The following DNER variants were observed in gnomAD, a reference collection of about 807,000 sequenced individuals.
The protein encoded by DNER is delta/notch like EGF repeat containing, also known as delta and Notch-like epidermal growth factor-related receptor.
In DNER, 33 loss-of-function variants were observed where a neutral mutation model predicts 78.2. The ratio of observed to expected loss-of-function variants is 0.42; its 90% CI spans 0.32 to 0.56. DNER has a LOEUF of 0.56. DNER is among the 20% of genes least tolerant of loss of function. The pLI is 0.11. For missense variants in DNER, 918 were observed against 975.3 expected (o/e 0.94, Z 0.78); for synonymous variants, 417 against 384.8 (o/e 1.08, Z -0.98).
At chr2:229,573,657 G>A (rs900914582) in intron 4 of DNER, among the ~76,000 whole-genome samples, 3 of 152,250 alleles carry the variant, frequency 2.0e-5, no homozygotes, top group Admixed American at 6.5e-5. Flanking sequence ...TAGTGGAAAA[G>A]CAAAAGGATC....
intron 1 of DNER, among the ~76,000 whole-genome samples, chr2:229,628,295 T>C (rs1272325424): frequency 6.6e-6 from 1 of 152,080 alleles, no homozygotes; most frequent in African/African-American, 2.4e-5. Flanking sequence ...TATCCACAGT[T>C]TCAGGCACTC....
In DNER at chr2:229,554,663, T is replaced by A. The variant is rs183772339; in HGVS notation, c.848-7571A>T. On this transcript the variant is annotated intron_variant, in intron 4 of 12. Transcript: ENST00000341772. ...GAGATCGTGCCACTTCATTCCAGCC[T>A]GGGTGACGGAGTAAGGCTCTGTCTC... Among the ~76,000 whole-genome samples the A allele has an allele frequency of 2.3e-3, 349 of 152,142 alleles. 3 individuals carry two copies. The highest frequency in any genetic ancestry group is 3.8e-3 in the Non-Finnish European group (257 of 67,992).
chr2:229,703,833 C>T (rs1699787731), intron 1 of DNER, among the ~76,000 whole-genome samples: 2 of 150,680 alleles, frequency 1.3e-5, no homozygotes, highest in African/African-American at 4.9e-5. Context: ...GCCGAGATCA[C>T]AAGTTTGCAC....
In DNER at chr2:229,591,305, A is replaced by T. The variant is rs926473889; in HGVS notation, c.585+275T>A. On this transcript the variant is annotated intron_variant, in intron 2 of 12. Transcript: ENST00000341772. This position sits in a 1 kb window ranked among gnomAD's most constrained non-coding sequence, Gnocchi z 4.6. ...ATGACATGTTCCTTTACATGACTACACTGAGCTGTCTTCCCCAAAATCTAA... is the reference window on the plus strand; with the variant it reads ...ATGACATGTTCCTTTACATGACTACTCTGAGCTGTCTTCCCCAAAATCTAA... Among the ~76,000 whole-genome samples the T allele has an allele frequency of 3.3e-5, 5 of 152,330 alleles. No homozygotes were observed. The East Asian group carries it at 9.7e-4, about 29-fold the overall frequency.
chr2:229,587,001 C>T (rs1435202673), intron 3 of DNER: 5 of 985,250 alleles, frequency 5.1e-6, no homozygotes, highest in Non-Finnish European at 6.0e-6. Context: ...CATCTCACTT[C>T]GTCTGAGTCA....
At position 229,569,164 on chromosome 2, in the gene DNER, C is replaced by T. The variant is rs537188465; in HGVS notation, c.847+16694G>A. 3.9e-5 allele frequency among the ~76,000 whole-genome samples: 6 copies of T among 152,220 alleles called. No individual in the cohort carries two copies. The East Asian group carries it at 9.7e-4, about 25-fold the overall frequency. On this transcript the variant is annotated intron_variant, in intron 4 of 12. Transcript: ENST00000341772. ...ATCTGTGGTTGTGTATACAGTCATC[C>T]CTCAGTATTCACAGGATACTCGTTC... is the stretch of plus-strand genomic sequence containing the variant.
chr2:229,714,507 G>A lies in DNER; in HGVS notation c.-84C>T. 2 of 1,068,564 alleles carry A rather than the reference G, an allele frequency of 1.9e-6. No homozygotes were observed. The highest frequency in any genetic ancestry group is 2.3e-6 in the Non-Finnish European group (2 of 885,818). The allele number at this position is 1,068,564 out of a possible 1,614,324, so 66.2% of individuals were successfully genotyped here. ...CAGTGGCGACGAGAGCTGCGAGAGC[G>A]ACGGTGGCGGCTAGGGCTGCTCCGC... On this transcript the variant is annotated 5_prime_UTR_variant, in exon 1 of 13. Coordinates refer to ENST00000341772, the MANE Select transcript of DNER (RefSeq NM_139072.4).
At chr2:229,408,356 A>G (rs1693434938) in intron 9 of DNER, among the ~76,000 whole-genome samples, 1 of 152,118 alleles carries the variant, frequency 6.6e-6, no homozygotes, top group Non-Finnish European at 1.5e-5. Flanking sequence ...ATATCTGCTG[A>G]TGTTACACTG....
intron 11 of DNER, 70 bp from the exon 12 acceptor site, chr2:229,367,189 C>A: frequency 6.3e-7 from 1 of 1,586,274 alleles, no homozygotes; most frequent in African/African-American, 1.3e-5. Flanking sequence ...CCTTTTTCAT[C>A]TTTGCATAGA....
intron 1 of DNER, among the ~76,000 whole-genome samples, chr2:229,668,202 G>C (rs1242805323): frequency 2.0e-5 from 3 of 152,028 alleles, no homozygotes; most frequent in Non-Finnish European, 4.4e-5. Context: ...CATTTCAACT[G>C]TCTCAACCTT....
intron 1 of DNER, among the ~76,000 whole-genome samples, chr2:229,641,246 A>G (rs989062481): frequency 5.9e-5 from 9 of 152,138 alleles, no homozygotes; most frequent in Non-Finnish European, 1.2e-4. Flanking sequence ...GTGAGGTTAG[A>G]GGCAGCTGAG....
chr2:229,680,008 G>T (rs1038400116), intron 1 of DNER, among the ~76,000 whole-genome samples: 1 of 152,120 alleles, frequency 6.6e-6, no homozygotes, highest in South Asian at 2.1e-4. Context: ...ATAAAAGTTG[G>T]GTCTCTCCCA....
chr2:229,465,802 G>A (rs1694792627), intron 7 of DNER, among the ~76,000 whole-genome samples: 1 of 152,162 alleles, frequency 6.6e-6, no homozygotes, highest in South Asian at 2.1e-4. Flanking sequence ...CGAAAGGCAG[G>A]GAAGGAAAAC....
intron 1 of DNER, among the ~76,000 whole-genome samples, chr2:229,633,485 G>A (rs989860826): frequency 1.5e-4 from 23 of 152,276 alleles, no homozygotes; most frequent in African/African-American, 5.5e-4. Flanking sequence ...AAAATACATT[G>A]TGGGAACTAA....
chr2:229,427,300 A>G (rs1693899824), intron 8 of DNER, among the ~76,000 whole-genome samples: 1 of 152,218 alleles, frequency 6.6e-6, no homozygotes, highest in Non-Finnish European at 1.5e-5. Context: ...TCTGGCTTTA[A>G]TAGCCACATG....
intron 1 of DNER, among the ~76,000 whole-genome samples, chr2:229,694,020 T>A (rs926605247): frequency 2.0e-5 from 3 of 152,320 alleles, no homozygotes; most frequent in Middle Eastern, 6.8e-3. Context: ...GCCACCCCAC[T>A]CTTTGCAGCC....
At chr2:229,408,102 A>AT (rs1048963682) in intron 9 of DNER, among the ~76,000 whole-genome samples, 1 of 152,164 alleles carries the variant, frequency 6.6e-6, no homozygotes, top group Non-Finnish European at 1.5e-5. Flanking sequence ...AAGAAGAGGC[A>AT]TTTTTTAAAA....
chr2:229,368,124 G>A (rs929496812), intron 11 of DNER, among the ~76,000 whole-genome samples: 1 of 152,104 alleles, frequency 6.6e-6, no homozygotes, highest in Non-Finnish European at 1.5e-5. Context: ...CACTTTGGGA[G>A]GCCAAGGCAG....
chr2:229,659,250 GT>G (rs1007661890), intron 1 of DNER, among the ~76,000 whole-genome samples: 23 of 152,146 alleles, frequency 1.5e-4, no homozygotes, highest in African/African-American at 5.3e-4. Flanking sequence ...GAGGAACTCA[GT>G]TTTTTAGCTA....
Sources: gnomAD v4.1 joint callset for allele counts (sites outside exome capture counted in the v4.1 genomes callset) on GRCh38, gnomAD v4.1.1 for gene constraint, Gnocchi (gnomAD v3.1) non-coding constraint, MANE v1.5 for transcripts, NCBI Gene and HGNC (gene_info 2026-07-23, HGNC 2026-07-21) for gene names.